The following NDST1 variants were observed in gnomAD, a reference collection of about 807,000 sequenced individuals.
NDST1 encodes the protein N-deacetylase and N-sulfotransferase 1.
Under a neutral mutation model 92.8 loss-of-function variants are expected in NDST1, and 35 were observed. The observed-to-expected ratio is 0.38, with a 90% confidence interval of 0.29 to 0.50. The LOEUF is 0.50. NDST1 is among the 20% of genes least tolerant of loss of function. NDST1 has a pLI of 0.94. For synonymous variants in NDST1, 493 were observed against 500.3 expected (o/e 0.99, Z 0.19); for missense variants, 822 against 1,182.7 (o/e 0.69, Z 4.47).
At chr5:150,545,250 C>T (rs2151299354) in intron 10 of NDST1, 62 bp from the exon 11 acceptor site, 1 of 1,586,420 alleles carries the variant, frequency 6.3e-7, no homozygotes, top group East Asian at 2.2e-5. Flanking sequence ...CCTTGTGCTG[C>T]ATTCCCTTAG....
Position 150,553,374 on chromosome 5 carries a change from G to C in NDST1, c.*42G>C. 1 of 1,606,096 alleles carries C rather than the reference G, an allele frequency of 6.2e-7. No individual in the cohort carries two copies. Among genetic ancestry groups the C allele is most frequent in the Non-Finnish European group, 8.5e-7 (1 of 1,174,766 alleles). On this transcript the variant is annotated 3_prime_UTR_variant, in exon 15 of 15. Coordinates refer to ENST00000261797, the MANE Select transcript of NDST1 (RefSeq NM_001543.5). The surrounding 1 kb of genome is among the most constrained non-coding windows in gnomAD (Gnocchi z 4.2). ...CAGACTGAACGTTTGTGAAAGCTGG[G>C]ACATCCCACCACACGCTGAGCCAGA...
At chr5:150,524,672 A>G (rs3890105) in intron 2 of NDST1, among the ~76,000 whole-genome samples, 48,580 of 152,172 alleles carry the variant, frequency 0.32, 8,968 homozygotes, top group Non-Finnish European at 0.41. Context: ...CCCGAATGAC[A>G]TAGCTACAGG....
At chr5:150,546,114 C>T (rs1283995448) in intron 11 of NDST1, among the ~76,000 whole-genome samples, 1 of 150,968 alleles carries the variant, frequency 6.6e-6, no homozygotes, top group African/African-American at 2.4e-5. Context: ...TCTCCTGCCT[C>T]AGCCTCCCAA....
chr5:150,501,899 A>G (rs1753248374), intron 1 of NDST1, among the ~76,000 whole-genome samples: 1 of 152,206 alleles, frequency 6.6e-6, no homozygotes, highest in African/African-American at 2.4e-5. Flanking sequence ...GGTGAGGGGC[A>G]GTAGACTCCG....
At chr5:150,520,808 A>G (rs757792277) in intron 1 of NDST1, 60 bp from the exon 2 acceptor site, 11 of 404,860 alleles carry the variant, frequency 2.7e-5, no homozygotes, top group Non-Finnish European at 4.4e-5. Context: ...CTGTGTGTCC[A>G]CAGTTAGCTG....
intron 14 of NDST1, 98 bp downstream of exon 14, chr5:150,551,953 A>G (rs1755743878): frequency 2.0e-6 from 3 of 1,536,862 alleles, no homozygotes; most frequent in Non-Finnish European, 2.6e-6. Context: ...TGCACTCAGC[A>G]TGTTCATGGC....
At chr5:150,531,714 G>A (rs1754748378) in intron 3 of NDST1, among the ~76,000 whole-genome samples, 1 of 152,092 alleles carries the variant, frequency 6.6e-6, no homozygotes, top group South Asian at 2.1e-4. Context: ...GGTCAGGCTG[G>A]TTTTGAACTC....
Position 150,556,302 on chromosome 5 carries a change from G to T in NDST1, c.*2970G>T, listed in dbSNP as rs1755868867. 3 of 152,182 alleles carry T rather than the reference G, an allele frequency of 2.0e-5. No individual in the cohort carries two copies. Among genetic ancestry groups the T allele is most frequent in the Admixed American group, 6.5e-5 (1 of 15,282 alleles). The allele number at this position is 152,182 out of a possible 1,614,324, so 9.4% of individuals were successfully genotyped here. ...TCAGAGTTCCAGAGCCTTCTGTGGT[G>T]GAGCATCCTGCTGCTTGGAGGATGA... On this transcript the variant is annotated 3_prime_UTR_variant, in exon 15 of 15. Coordinates refer to ENST00000261797, the MANE Select transcript of NDST1 (RefSeq NM_001543.5).
At chr5:150,533,256 C>G (rs1471945428) in intron 4 of NDST1, among the ~76,000 whole-genome samples, 4 of 152,262 alleles carry the variant, frequency 2.6e-5, no homozygotes, top group African/African-American at 4.8e-5. Flanking sequence ...AGCCGCTTGT[C>G]CCTCCCTGTC....
rs1581420777 is a variant in NDST1 at position 150,557,624 on chromosome 5, G to T, written c.*4292G>T. Reference sequence around the variant, plus strand: ...GCAGGGATTTTCACACATCAAAGGAGGCAGCCTCTGCTCTAGTTGATGTGA... The same window carrying T: ...GCAGGGATTTTCACACATCAAAGGATGCAGCCTCTGCTCTAGTTGATGTGA... On this transcript the variant is annotated 3_prime_UTR_variant, in exon 15 of 15. Transcript: ENST00000261797. This position sits in a 1 kb window ranked among gnomAD's most constrained non-coding sequence, Gnocchi z 4.7. 2 of 152,292 alleles carry T rather than the reference G, an allele frequency of 1.3e-5. No individual in the cohort carries two copies. Among genetic ancestry groups the T allele is most frequent in the East Asian group, 3.8e-4 (2 of 5,198 alleles). The allele number at this position is 152,292 out of a possible 1,614,324, so 9.4% of individuals were successfully genotyped here.
chr5:150,532,409 C>T (rs556141122), intron 3 of NDST1, among the ~76,000 whole-genome samples: 3 of 152,310 alleles, frequency 2.0e-5, no homozygotes, highest in South Asian at 2.1e-4. Context: ...AGAGGCCTGG[C>T]GGACGGCAGC....
At chr5:150,542,702 G>T in intron 9 of NDST1, 146 bp from the exon 10 acceptor site, 1 of 1,013,264 alleles carries the variant, frequency 9.9e-7, no homozygotes. Flanking sequence ...TTCCTTCATT[G>T]CACAGATGAA....
intron 11 of NDST1, among the ~76,000 whole-genome samples, chr5:150,547,332 G>A (rs982015886): frequency 3.3e-5 from 5 of 152,306 alleles, no homozygotes; most frequent in Middle Eastern, 3.4e-3. Flanking sequence ...AGGTCGGGAC[G>A]AGGAGGACGC....
chr5:150,540,527 AC>A (rs1340653019), intron 8 of NDST1, among the ~76,000 whole-genome samples: 2 of 152,184 alleles, frequency 1.3e-5, no homozygotes, highest in Admixed American at 1.3e-4. Flanking sequence ...TGTTAAAAAA[AC>A]GAGTGGGCTG....
intron 2 of NDST1, among the ~76,000 whole-genome samples, chr5:150,522,373 G>A (rs1419348436): frequency 2.6e-5 from 4 of 152,048 alleles, no homozygotes; most frequent in Non-Finnish European, 5.9e-5. Flanking sequence ...GCTTTATGGG[G>A]CTTCCAGAAT....
At chr5:150,541,859 G>A (rs1755263664) in intron 9 of NDST1, among the ~76,000 whole-genome samples, 193 bp downstream of exon 9, 1 of 152,214 alleles carries the variant, frequency 6.6e-6, no homozygotes. Flanking sequence ...GGGGCCTGGA[G>A]TTCTCCTATT....
chr5:150,537,880 T>G (rs1164489164), intron 6 of NDST1, among the ~76,000 whole-genome samples: 1 of 152,210 alleles, frequency 6.6e-6, no homozygotes, highest in African/African-American at 2.4e-5. Context: ...TCCCTTTATT[T>G]CTCAGACTGA....
intron 11 of NDST1, among the ~76,000 whole-genome samples, chr5:150,545,991 CTTTTT>C (rs34937690): frequency 1.2e-5 from 1 of 83,690 alleles, no homozygotes; most frequent in African/African-American, 4.6e-5. Flanking sequence ...CCAGAGCTGT[CTTTTT>C]TTTTTTTTTT....
At chr5:150,548,808 G>A (rs932607488) in intron 12 of NDST1, among the ~76,000 whole-genome samples, 3 of 152,010 alleles carry the variant, frequency 2.0e-5, no homozygotes, top group African/African-American at 7.2e-5. Flanking sequence ...TGGGATTACA[G>A]GCATGAGCCA....
Sources: allele counts gnomAD v4.1 joint callset (sites outside exome capture counted in the v4.1 genomes callset), GRCh38; gene constraint gnomAD v4.1.1; non-coding constraint Gnocchi (gnomAD v3.1); transcripts MANE v1.5; gene names NCBI Gene and HGNC (gene_info 2026-07-23, HGNC 2026-07-21).